Variants in SLC24A3 observed in about 807,000 individuals in gnomAD.
SLC24A3 encodes solute carrier family 24 member 3.
In SLC24A3, 28 loss-of-function variants were observed where a neutral mutation model predicts 75.8. The observed-to-expected ratio is 0.37, with a 90% CI of 0.27 to 0.51. The LOEUF is 0.51. Ranked by LOEUF, SLC24A3 falls within the 20% of genes least tolerant of loss-of-function variation. The pLI is 0.94. For missense variants in SLC24A3, 663 were observed against 847.8 expected (o/e 0.78, Z 2.71); for synonymous variants, 372 against 334.1 (o/e 1.11, Z -1.24).
intron 8 of SLC24A3, among the ~76,000 whole-genome samples, chr20:19,670,074 C>T (rs1224256242): frequency 6.6e-6 from 1 of 152,132 alleles, no homozygotes; most frequent in Non-Finnish European, 1.5e-5. Context: ...TAAGCACCTC[C>T]TCTACGCCAG....
chr20:19,560,526 AT>A (rs2030858226), intron 3 of SLC24A3, among the ~76,000 whole-genome samples: 1 of 152,194 alleles, frequency 6.6e-6, no homozygotes. Flanking sequence ...TAAGTTGTCC[AT>A]TGTCAGAAGT....
chr20:19,384,993 T>G (rs1986248153), intron 2 of SLC24A3, among the ~76,000 whole-genome samples: 1 of 152,190 alleles, frequency 6.6e-6, no homozygotes, highest in Admixed American at 6.6e-5. Flanking sequence ...GGTTATTTGT[T>G]TTCTTGCTGT....
At chr20:19,421,458 T>G (rs1224034036) in intron 2 of SLC24A3, among the ~76,000 whole-genome samples, 1 of 152,110 alleles carries the variant, frequency 6.6e-6, no homozygotes, top group African/African-American at 2.4e-5. Flanking sequence ...TCATCATCAC[T>G]GGCCATCAGA....
At chr20:19,430,791 G>A (rs1987088271) in intron 2 of SLC24A3, among the ~76,000 whole-genome samples, 1 of 146,946 alleles carries the variant, frequency 6.8e-6, no homozygotes, top group Non-Finnish European at 1.5e-5. Flanking sequence ...CACACACACA[G>A]GCACTTGCAC....
chr20:19,299,856 C>G (rs6075495), intron 2 of SLC24A3, among the ~76,000 whole-genome samples: 19 of 152,198 alleles, frequency 1.2e-4, no homozygotes, highest in Non-Finnish European at 2.4e-4. Flanking sequence ...TGGGCTCTAC[C>G]TTGTGTGAAA....
rs566161603 is a variant in SLC24A3, at chr20:19,435,008, G to A, written c.272-80480G>A. 9.8e-5 allele frequency among the ~76,000 whole-genome samples: 15 copies of A among 152,296 alleles called. 1 individual carries two copies. The highest frequency in any genetic ancestry group is 3.4e-3 in the Middle Eastern group (1 of 294). On this transcript the variant is annotated intron_variant, in intron 2 of 16. Transcript: ENST00000328041. ...AGGCTATCTTTCCTTAGTCTTCCCCGTAGCTTGAGGTGCTCTGCATATCTT... is the reference window on the plus strand; with the variant it reads ...AGGCTATCTTTCCTTAGTCTTCCCCATAGCTTGAGGTGCTCTGCATATCTT...
intron 1 of SLC24A3, among the ~76,000 whole-genome samples, chr20:19,242,823 A>G (rs894683109): frequency 3.9e-5 from 6 of 152,220 alleles, no homozygotes; most frequent in African/African-American, 1.4e-4. Flanking sequence ...CTACTAGACA[A>G]AATTTGCATG....
intron 11 of SLC24A3, 110 bp downstream of exon 11, chr20:19,684,446 C>T (rs1249274049): frequency 3.0e-5 from 37 of 1,233,900 alleles, no homozygotes; most frequent in Admixed American, 1.2e-4. Flanking sequence ...AGTTTAACAC[C>T]GCAGCATCCC....
chr20:19,344,654 A>G (rs1438028042), intron 2 of SLC24A3, among the ~76,000 whole-genome samples: 3 of 152,204 alleles, frequency 2.0e-5, no homozygotes. Context: ...CTTGTCTCCC[A>G]AAATAGGTGA....
At chr20:19,360,158 G>T (rs948196306) in intron 2 of SLC24A3, among the ~76,000 whole-genome samples, 1 of 152,182 alleles carries the variant, frequency 6.6e-6, no homozygotes, top group African/African-American at 2.4e-5. Context: ...GACAGATATT[G>T]CCCAGAAATG....
At chr20:19,370,911 G>A (rs1985980919) in intron 2 of SLC24A3, among the ~76,000 whole-genome samples, 1 of 152,176 alleles carries the variant, frequency 6.6e-6, no homozygotes, top group South Asian at 2.1e-4. Context: ...CCCGGTGGTG[G>A]TTCTCATCCT....
intron 2 of SLC24A3, among the ~76,000 whole-genome samples, chr20:19,348,357 CAA>C (rs1985479971): frequency 6.6e-6 from 1 of 152,278 alleles, no homozygotes; most frequent in African/African-American, 2.4e-5. Flanking sequence ...CCACATGTGG[CAA>C]ACACAGTCAT....
At chr20:19,377,461 T>C (rs1986103888) in intron 2 of SLC24A3, among the ~76,000 whole-genome samples, 1 of 152,142 alleles carries the variant, frequency 6.6e-6, no homozygotes, top group Non-Finnish European at 1.5e-5. Context: ...CCATTCTGCA[T>C]GAATTTATTT....
chr20:19,217,607 G>A (rs111410549), intron 1 of SLC24A3, among the ~76,000 whole-genome samples: 2,383 of 152,276 alleles, frequency 0.016, 53 homozygotes, highest in African/African-American at 0.051. Context: ...CTGAGAGCCC[G>A]TCTTTGCCTT....
At chr20:19,490,442 T>C (rs911991426) in intron 2 of SLC24A3, among the ~76,000 whole-genome samples, 1 of 152,208 alleles carries the variant, frequency 6.6e-6, no homozygotes, top group African/African-American at 2.4e-5. Flanking sequence ...CCCCTGACTT[T>C]CTGGAGAGAG....
At position 19,685,081 on chromosome 20, in the gene SLC24A3, TGC is replaced by T; in HGVS notation, c.1063-16_1063-15del. ...GCAATCCCTCTGACCGTGGTAAGAG[TGC>T]GCCTTTCTCTTTCCAGAGACAAAGA... On this transcript the variant is annotated splice_polypyrimidine_tract_variant and intron_variant, in intron 11 of 16. Coordinates refer to ENST00000328041, the MANE Select transcript of SLC24A3 (RefSeq NM_020689.4). 1 of 1,586,898 alleles carries T rather than the reference TGC, an allele frequency of 6.3e-7. No homozygotes were observed. The highest frequency in any genetic ancestry group is 8.6e-7 in the Non-Finnish European group (1 of 1,163,674).
At chr20:19,688,249 G>T (rs1448238706) in intron 12 of SLC24A3, among the ~76,000 whole-genome samples, 1 of 152,196 alleles carries the variant, frequency 6.6e-6, no homozygotes, top group African/African-American at 2.4e-5. Flanking sequence ...GACGCTGCTG[G>T]TCTGTGTGCC....
chr20:19,510,534 C>T (rs562118900), intron 2 of SLC24A3, among the ~76,000 whole-genome samples: 1 of 152,196 alleles, frequency 6.6e-6, no homozygotes, highest in Admixed American at 6.5e-5. Context: ...TTCCCAGATT[C>T]ATATGTTGAA....
At chr20:19,624,252 T>C (rs1035741122) in intron 6 of SLC24A3, among the ~76,000 whole-genome samples, 12 of 152,168 alleles carry the variant, frequency 7.9e-5, no homozygotes, top group African/African-American at 2.9e-4. Flanking sequence ...AGGTCATTTT[T>C]CCAAAGTCAC....
Sources: gnomAD v4.1 joint callset for allele counts (sites outside exome capture counted in the v4.1 genomes callset) on GRCh38, gnomAD v4.1.1 for gene constraint, MANE v1.5 for transcripts, NCBI Gene and HGNC (gene_info 2026-07-23, HGNC 2026-07-21) for gene names.